Variants in PTPN3 observed in about 807,000 individuals in gnomAD.
PTPN3 encodes tyrosine-protein phosphatase non-receptor type 3.
A neutral mutation model predicts 132.7 loss-of-function variants in PTPN3; 96 were observed. That is an observed-to-expected ratio of 0.72 (90% CI 0.61 to 0.86). The LOEUF is 0.86. PTPN3 is among the 40% of genes least tolerant of loss of function. PTPN3 has a pLI of 0.00. For synonymous variants in PTPN3, 398 were observed against 429.0 expected (o/e 0.93, Z 0.89); for missense variants, 1,125 against 1,159.6 (o/e 0.97, Z 0.43).
chr9:109,410,630 G>A (rs1842007752), intron 14 of PTPN3, among the ~76,000 whole-genome samples: 1 of 152,146 alleles, frequency 6.6e-6, no homozygotes, highest in Non-Finnish European at 1.5e-5. Context: ...GGGGAAAAGG[G>A]ATAGGAGGCA....
intron 7 of PTPN3, among the ~76,000 whole-genome samples, chr9:109,440,901 TA>T (rs1844416561): frequency 6.6e-6 from 1 of 152,222 alleles, no homozygotes; most frequent in African/African-American, 2.4e-5. Context: ...TGCTAACCAC[TA>T]GGGGGAAACA....
the PTPN3 span, among the ~76,000 whole-genome samples, chr9:109,521,940 A>ACCGAGG: frequency 6.7e-6 from 1 of 149,962 alleles, no homozygotes; most frequent in Non-Finnish European, 1.5e-5. Flanking sequence ...AGATGAGGAA[A>ACCGAGG]CTGAGGCTTA....
rs1843324432 is a variant in PTPN3, at chr9:109,426,975, T to G, written c.976A>C (p.Thr326Pro). Residue 326 changes from threonine (T) to proline (P), a missense_variant, in exon 12 of 26, where the codon ACT (threonine) becomes CCT (proline). Thr to Pro is a conservative substitution (Grantham distance 38). Coordinates refer to ENST00000374541, the MANE Select transcript of PTPN3 (RefSeq NM_002829.4). ...TTTTTGGTGTTCCGAGAGCCCATAG[T>G]CCAGTACTGAGACAGAACATTCTTT... ...QEKNVLSQYWTMGSRNTKKSV... is the reference protein window; with the variant it reads ...QEKNVLSQYWPMGSRNTKKSV... 1.2e-6 allele frequency: 2 copies of G among 1,613,636 alleles called. No individual in the cohort carries two copies. The highest frequency in any genetic ancestry group is 4.5e-5 in the East Asian group (2 of 44,896).
At chr9:109,492,041 T>C (rs1474129728) in intron 1 of PTPN3, among the ~76,000 whole-genome samples, 2 of 152,226 alleles carry the variant, frequency 1.3e-5, no homozygotes, top group African/African-American at 4.8e-5. Flanking sequence ...ATAATTTTTC[T>C]TGTGTTCCCT....
At chr9:109,487,483 C>T (rs998399009) in intron 1 of PTPN3, among the ~76,000 whole-genome samples, 1 of 152,222 alleles carries the variant, frequency 6.6e-6, no homozygotes, top group African/African-American at 2.4e-5. Flanking sequence ...TCCGGCCTCA[C>T]CAGAGGCTCT....
chr9:109,457,373 C>T lies in PTPN3; in HGVS notation c.165G>A (p.Leu55=), dbSNP rs1401026656. 2 of 1,613,772 alleles carry T rather than the reference C, an allele frequency of 1.2e-6. No individual in the cohort carries two copies. The highest frequency in any genetic ancestry group is 3.3e-5 in the Admixed American group (2 of 59,948). ...CACCCAGGTGGTTGTGCACCATATC[C>T]AGAAGAACCTGGCCAGTGTCTTGTT... ...VTKQDTGQVL[L]DMVHNHLGVT... Residue 55 remains leucine, a synonymous_variant, in exon 3 of 26, where the codon CTG becomes CTA. Transcript: ENST00000374541.
intron 1 of PTPN3, among the ~76,000 whole-genome samples, chr9:109,476,130 G>C (rs796716155): frequency 3.3e-5 from 5 of 152,242 alleles, no homozygotes; most frequent in African/African-American, 1.2e-4. Flanking sequence ...GGCCATCTCA[G>C]GTTATATTAG....
At chr9:109,526,518 T>G in the PTPN3 span, among the ~76,000 whole-genome samples, 1 of 151,642 alleles carries the variant, frequency 6.6e-6, no homozygotes, top group Non-Finnish European at 1.5e-5. Context: ...ACAAAAAAAG[T>G]CAAAAAATTA....
Position 109,497,633 on chromosome 9 carries a change from C to T in PTPN3, c.-18+586G>A, listed in dbSNP as rs753529039. On this transcript the variant is annotated intron_variant, in intron 1 of 25. Coordinates refer to ENST00000374541, the MANE Select transcript of PTPN3 (RefSeq NM_002829.4). ...GGGCTGGGCACTCTCACATACACTC[C>T]CCCATCTGCAGCTGTCTCACCGCAG... 5.7e-4 allele frequency among the ~76,000 whole-genome samples: 86 copies of T among 152,180 alleles called. 1 individual carries two copies. The highest frequency in any genetic ancestry group is 1.1e-3 in the Non-Finnish European group (74 of 68,032).
chr9:109,465,375 G>A (rs1381345431), intron 1 of PTPN3, among the ~76,000 whole-genome samples: 1 of 152,112 alleles, frequency 6.6e-6, no homozygotes, highest in African/African-American at 2.4e-5. Context: ...TCAGGAGTTC[G>A]AGATCAGCTG....
the PTPN3 span, among the ~76,000 whole-genome samples, chr9:109,503,423 G>A: frequency 9.2e-5 from 14 of 152,202 alleles, no homozygotes; most frequent in East Asian, 1.4e-3. Context: ...TGTCTTTCTC[G>A]GCTGGGCAAG....
At chr9:109,533,844 G>T in the PTPN3 span, 1 of 839,504 alleles carries the variant, frequency 1.2e-6, no homozygotes. Context: ...TCGCTATTCT[G>T]GTAGTTTTGC....
intron 22 of PTPN3, among the ~76,000 whole-genome samples, chr9:109,387,903 A>G (rs1445656891): frequency 6.6e-6 from 1 of 152,344 alleles, no homozygotes. Flanking sequence ...AAAGAAAAAC[A>G]TTTTGGGTGG....
chr9:109,486,668 G>GTGAT (rs1847227327), intron 1 of PTPN3, among the ~76,000 whole-genome samples: 2 of 152,160 alleles, frequency 1.3e-5, no homozygotes, highest in Admixed American at 1.3e-4. Flanking sequence ...TTGTGCAGAT[G>GTGAT]TGATATACAC....
intron 1 of PTPN3, among the ~76,000 whole-genome samples, chr9:109,478,555 GC>G (rs1846801379): frequency 6.6e-6 from 1 of 152,200 alleles, no homozygotes; most frequent in Non-Finnish European, 1.5e-5. Context: ...GTCCCGAAGA[GC>G]CCTGAGTTAG....
chr9:109,430,543 GA>G (rs34551018), intron 10 of PTPN3, among the ~76,000 whole-genome samples: 33,900 of 150,318 alleles, frequency 0.23, 4,059 homozygotes, highest in Non-Finnish European at 0.26. Context: ...TCATTTATAA[GA>G]AAAAAAAAAT....
In PTPN3 at chr9:109,438,183, T is replaced by C. The variant is rs370903570; in HGVS notation, c.518A>G (p.Asp173Gly). 7 of 1,613,440 alleles carry C rather than the reference T, an allele frequency of 4.3e-6. No homozygotes were observed. The highest frequency in any genetic ancestry group is 5.1e-6 in the Non-Finnish European group (6 of 1,179,496). ...SSIHHPGYLS[D>G]SHFIPDQNED... ...ATTTTGATCGGGTATAAAGTGACTA[T>C]CGGAAAGATAGCCTGGATGATGTAT... The change falls in exon 8 of 26, where the codon GAT (aspartate) becomes GGT (glycine). Residue 173 changes from aspartate to glycine, a missense_variant. Coordinates refer to ENST00000374541, the MANE Select transcript of PTPN3 (RefSeq NM_002829.4).
the PTPN3 span, among the ~76,000 whole-genome samples, chr9:109,508,725 A>G: frequency 2.6e-5 from 4 of 152,156 alleles, no homozygotes; most frequent in Non-Finnish European, 5.9e-5. Flanking sequence ...CAGTAGATAG[A>G]AAAGAGATAT....
chr9:109,378,355 G>A lies in PTPN3; in HGVS notation c.*1201C>T, dbSNP rs772475757. 1.3e-4 allele frequency: 20 copies of A among 152,566 alleles called. No individual in the cohort carries two copies. Among genetic ancestry groups the A allele is most frequent in the Non-Finnish European group, 1.8e-4 (12 of 68,036 alleles). 9.5% of individuals were successfully genotyped at this position (152,566 alleles called of 1,614,324 possible). ...AATTCTTTAGGACAATCAAAATGAT[G>A]GTGTTCTTAGAATAAATTAACATCA... On this transcript the variant is annotated 3_prime_UTR_variant, in exon 26 of 26. Transcript: ENST00000374541.
Sources: allele counts gnomAD v4.1 joint callset (sites outside exome capture counted in the v4.1 genomes callset), GRCh38; gene constraint gnomAD v4.1.1; transcripts MANE v1.5; gene names NCBI Gene and HGNC (gene_info 2026-07-23, HGNC 2026-07-21).